STK3: variants seen among roughly 807,000 people sequenced by gnomAD.
STK3 encodes serine/threonine kinase 3, also known as serine/threonine-protein kinase 3.
In STK3, 41 loss-of-function variants were observed where a neutral mutation model predicts 58.0. That is an observed-to-expected ratio of 0.71 (90% CI 0.55 to 0.92). STK3 has a LOEUF of 0.92. STK3 is among the 40% of genes least tolerant of loss of function. STK3 has a pLI of 0.00. For missense variants in STK3, 479 were observed against 602.7 expected, an observed-to-expected ratio of 0.79 and a Z score of 2.15; for synonymous variants, 170 against 191.0, an observed-to-expected ratio of 0.89 and a Z score of 0.91.
intron 8 of STK3, among the ~76,000 whole-genome samples, chr8:98,570,058 T>C (rs1812836990): frequency 6.8e-6 from 1 of 147,750 alleles, no homozygotes. Context: ...TATTAAAGAA[T>C]ATAAAAATAT....
chr8:98,520,217 T>C (rs534039305), intron 10 of STK3, among the ~76,000 whole-genome samples: 165 of 152,260 alleles, frequency 1.1e-3, no homozygotes, highest in Non-Finnish European at 1.8e-3. Context: ...ATCCTAAACA[T>C]AACTTTTTTC....
intron 6 of STK3, among the ~76,000 whole-genome samples, chr8:98,696,858 G>A (rs1272035631): frequency 6.6e-6 from 1 of 152,198 alleles, no homozygotes; most frequent in Non-Finnish European, 1.5e-5. Flanking sequence ...GTATCAGGAT[G>A]ACGCTGGCCT....
chr8:98,702,959 G>A, intron 6 of STK3, among the ~76,000 whole-genome samples: 1 of 152,134 alleles, frequency 6.6e-6, no homozygotes, highest in East Asian at 1.9e-4. Context: ...GTTATCAGCT[G>A]TGGGGTCTTC....
chr8:98,503,366 T>C (rs1348803248), intron 10 of STK3, among the ~76,000 whole-genome samples: 2 of 152,224 alleles, frequency 1.3e-5, no homozygotes, highest in Non-Finnish European at 2.9e-5. Context: ...GGGGATTCAC[T>C]GATTTTTTGA....
Position 98,428,705 on chromosome 8 carries a change from G to A in STK3, n.483+5422C>T, listed in dbSNP as rs1396923471. On this transcript the variant is annotated intron_variant and non_coding_transcript_variant, in intron 3 of 3. Coordinates refer to the STK3 transcript ENST00000517832. This position sits in a 1 kb window ranked among gnomAD's most constrained non-coding sequence, Gnocchi z 6.7. ...GCATTGCCTGGTTCACATTTGAGCT[G>A]GTGGCCAGGTTTGCTGTGGCCCCTG... is the stretch of plus-strand genomic sequence containing the variant. 5 of 1,614,080 alleles carry A rather than the reference G, an allele frequency of 3.1e-6. No homozygotes were observed. The highest frequency in any genetic ancestry group is 1.3e-5 in the African/African-American group (1 of 74,928).
At chr8:98,587,625 A>G (rs1258581157) in intron 7 of STK3, among the ~76,000 whole-genome samples, 3 of 152,096 alleles carry the variant, frequency 2.0e-5, no homozygotes, top group South Asian at 2.1e-4. Flanking sequence ...CGCTTGGTGC[A>G]GAGCTGAGTT....
At chr8:98,421,654 T>C (rs574928762) in intron 3 of STK3, among the ~76,000 whole-genome samples, 4 of 152,186 alleles carry the variant, frequency 2.6e-5, no homozygotes, top group Non-Finnish European at 5.9e-5. Flanking sequence ...CAGGTGCCTA[T>C]AGTCCCAGCT....
At chr8:98,577,344 G>A (rs139209138) in intron 8 of STK3, among the ~76,000 whole-genome samples, 57 of 152,122 alleles carry the variant, frequency 3.7e-4, no homozygotes, top group Admixed American at 1.5e-3. Context: ...AAAATTAGCC[G>A]GGTATAGTGG....
intron 10 of STK3, among the ~76,000 whole-genome samples, chr8:98,523,865 T>G (rs115979825): frequency 0.011 from 1,664 of 152,358 alleles, 25 homozygotes; most frequent in African/African-American, 0.037. Context: ...TCCATTTTGA[T>G]GTAGTCCAAT....
chr8:98,672,283 G>A (rs1260341883), intron 6 of STK3, among the ~76,000 whole-genome samples: 1 of 151,360 alleles, frequency 6.6e-6, no homozygotes, highest in African/African-American at 2.4e-5. Flanking sequence ...GTTAGGGGGT[G>A]TGATTGGTGG....
intron 6 of STK3, among the ~76,000 whole-genome samples, chr8:98,704,102 G>A (rs1302851825): frequency 1.3e-5 from 2 of 152,062 alleles, no homozygotes; most frequent in African/African-American, 2.4e-5. Flanking sequence ...TAAACTACAA[G>A]GCTCTTTTCA....
downstream of STK3, among the ~76,000 whole-genome samples, chr8:98,367,772 G>A (rs1417551179): frequency 1.3e-5 from 2 of 152,244 alleles, no homozygotes; most frequent in Non-Finnish European, 2.9e-5. Flanking sequence ...TGGCTAATGG[G>A]AAGCACATTG....
At chr8:98,526,337 TA>T (rs143195848) in intron 10 of STK3, 1,663 of 152,842 alleles carry the variant, frequency 0.011, 25 homozygotes, top group African/African-American at 0.037. Flanking sequence ...TCATATACTT[TA>T]AAAATTGAAG....
chr8:98,673,141 T>C (rs1822949841), intron 6 of STK3, among the ~76,000 whole-genome samples: 1 of 152,202 alleles, frequency 6.6e-6, no homozygotes, highest in Admixed American at 6.5e-5. Context: ...CAACCTAAAT[T>C]TTTCCAGTTG....
chr8:98,689,101 G>A (rs1587300574), intron 6 of STK3, among the ~76,000 whole-genome samples: 1 of 152,092 alleles, frequency 6.6e-6, no homozygotes, highest in East Asian at 1.9e-4. Context: ...CAGAAATACA[G>A]CAGATGTTCA....
chr8:98,445,681 CT>C (rs1818912173), intron 1 of STK3, among the ~76,000 whole-genome samples: 1 of 152,116 alleles, frequency 6.6e-6, no homozygotes. Flanking sequence ...AGAAGATAAG[CT>C]TTTCACTCGG....
the STK3 span, among the ~76,000 whole-genome samples, chr8:98,346,010 T>C: frequency 6.6e-6 from 1 of 152,020 alleles, no homozygotes; most frequent in African/African-American, 2.4e-5. Context: ...TGTCCGGGCA[T>C]GGTGGGTGCT....
At chr8:98,886,971 G>A (rs1007805599) in intron 1 of STK3, among the ~76,000 whole-genome samples, 11 of 151,966 alleles carry the variant, frequency 7.2e-5, no homozygotes, top group Non-Finnish European at 8.8e-5. Flanking sequence ...GGTGGTGCGC[G>A]CCTGTAATCC....
chr8:98,714,442 T>C (rs1175816698), intron 4 of STK3, among the ~76,000 whole-genome samples: 1 of 152,160 alleles, frequency 6.6e-6, no homozygotes, highest in Non-Finnish European at 1.5e-5. Flanking sequence ...AGTCTCAGGA[T>C]ACAAAGTCAA....
Sources: gnomAD v4.1 joint callset for allele counts (sites outside exome capture counted in the v4.1 genomes callset) on GRCh38, gnomAD v4.1.1 for gene constraint, Gnocchi (gnomAD v3.1) non-coding constraint, MANE v1.5 for transcripts, NCBI Gene and HGNC (gene_info 2026-07-23, HGNC 2026-07-21) for gene names.